Variants in TMPRSS9 observed in about 807,000 individuals in gnomAD.
TMPRSS9 encodes the protein transmembrane protease serine 9.
Under a neutral mutation model 111.4 loss-of-function variants are expected in TMPRSS9, and 113 were observed. That is an observed-to-expected ratio of 1.01 (90% CI 0.87 to 1.19). The LOEUF is 1.19. TMPRSS9 is among the 50% of genes most tolerant of loss of function. The pLI, the probability that TMPRSS9 is intolerant of heterozygous loss-of-function variation, is 0.00. For missense variants in TMPRSS9, 1,803 were observed against 1,513.1 expected, an observed-to-expected ratio of 1.19 and a Z score of -3.18; for synonymous variants, 805 against 659.1, an observed-to-expected ratio of 1.22 and a Z score of -3.39.
At chr19:2,408,862 G>A (rs1254530728) in intron 8 of TMPRSS9, among the ~76,000 whole-genome samples, 1 of 151,428 alleles carries the variant, frequency 6.6e-6, no homozygotes, top group Non-Finnish European at 1.5e-5. Flanking sequence ...GGTGGTGCGT[G>A]CCTATAATTC....
chr19:2,425,871 G>A (rs1225582088), intron 17 of TMPRSS9, 56 bp from the exon 19 acceptor site: 2 of 1,527,940 alleles, frequency 1.3e-6, no homozygotes, highest in East Asian at 2.3e-5. Flanking sequence ...AATGACCCAA[G>A]GGCTGCTGTA....
intron 7 of TMPRSS9, among the ~76,000 whole-genome samples, 182 bp from the exon 9 acceptor site, chr19:2,408,174 C>T (rs1329726126): frequency 6.6e-6 from 1 of 152,076 alleles, no homozygotes; most frequent in Non-Finnish European, 1.5e-5. Flanking sequence ...CCGCTTCAGC[C>T]TCCAAAAGTG....
intron 14 of TMPRSS9, 24 bp downstream of exon 15, chr19:2,422,271 C>T: frequency 6.7e-7 from 1 of 1,493,068 alleles, no homozygotes. Context: ...CGGAGGGATC[C>T]CTGGGAGTGG....
intron 6 of TMPRSS9, among the ~76,000 whole-genome samples, chr19:2,405,083 G>A (rs1970940242): frequency 6.6e-6 from 1 of 152,048 alleles, no homozygotes; most frequent in Admixed American, 6.6e-5. Flanking sequence ...ATACAAACAT[G>A]TACGTGGGGT....
chr19:2,369,889 G>T (rs1044844386), intron 1 of TMPRSS9, among the ~76,000 whole-genome samples: 4 of 152,078 alleles, frequency 2.6e-5, no homozygotes, highest in African/African-American at 9.7e-5. Flanking sequence ...CAGAGTGTTG[G>T]CTGGGCTGTG....
intron 5 of TMPRSS9, 151 bp downstream of exon 6, chr19:2,402,167 A>G: frequency 1.8e-6 from 1 of 542,646 alleles, no homozygotes; most frequent in Non-Finnish European, 3.2e-6. Context: ...CTGAGGCAGG[A>G]GGATCACTTG....
intron 13 of TMPRSS9, 120 bp from the exon 15 acceptor site, chr19:2,421,734 G>A (rs930990454): frequency 2.7e-6 from 3 of 1,129,290 alleles, no homozygotes; most frequent in African/African-American, 3.1e-5. Flanking sequence ...GACCCGCGCT[G>A]TGCCCTCTGC....
chr19:2,397,643 C>G (rs755149379), intron 2 of TMPRSS9, among the ~76,000 whole-genome samples: 15 of 152,012 alleles, frequency 9.9e-5, no homozygotes, highest in African/African-American at 3.6e-4. Flanking sequence ...CAGGCGGGCA[C>G]GGTGGGTGGC....
chr19:2,404,652 C>T lies in TMPRSS9; in HGVS notation c.671-722C>T, dbSNP rs563646404. On this transcript the variant is annotated intron_variant, in intron 6 of 17. Coordinates refer to ENST00000648592, the Ensembl canonical transcript of TMPRSS9. ...GTGACAAAAAATATCAAGACTAGGC[C>T]TGATGCCGTGGCTCAGGCCTGTAAT... Among the ~76,000 whole-genome samples, 3 of 151,116 alleles carry T rather than the reference C, an allele frequency of 2.0e-5. 1 individual carries two copies. In the East Asian group the frequency reaches 5.9e-4, roughly 29 times the overall value.
In TMPRSS9 at chr19:2,393,072, C is replaced by T. The variant is rs1436202537; in HGVS notation, c.142+3145C>T. ...TCTCTGTAAAATGGACCAATCAGCG[C>T]TCTGTAAAATGGGCCAATCAGGAGG... On this transcript the variant is annotated intron_variant, in intron 1 of 17. Coordinates refer to ENST00000648592, the Ensembl canonical transcript of TMPRSS9. Among the ~76,000 whole-genome samples, 5 of 152,268 alleles carry T rather than the reference C, an allele frequency of 3.3e-5. No homozygotes were observed. In the South Asian group the frequency reaches 8.3e-4, roughly 25 times the overall value.
At chr19:2,360,834 A>G (rs1970189454) in intron 1 of TMPRSS9, among the ~76,000 whole-genome samples, 1 of 149,372 alleles carries the variant, frequency 6.7e-6, no homozygotes, top group African/African-American at 2.5e-5. Context: ...GGATGTATCT[A>G]GCGTGTGTAG....
chr19:2,408,454 A>G (rs1971018615), exon 8 of TMPRSS9: 3 of 1,613,904 alleles, frequency 1.9e-6, no homozygotes, highest in Non-Finnish European at 8.5e-7. Flanking sequence ...CAGATCGTCA[A>G]GCACCCCCTG....
chr19:2,394,969 CACAGCCA>C (rs1466294826), intron 1 of TMPRSS9, among the ~76,000 whole-genome samples: 1 of 152,202 alleles, frequency 6.6e-6, no homozygotes, highest in Non-Finnish European at 1.5e-5. Context: ...TTGGACACAA[CACAGCCA>C]ACAGCTAAAA....
exon 16 of TMPRSS9, chr19:2,425,211 G>GACCCCC: frequency 6.7e-7 from 1 of 1,489,452 alleles, no homozygotes. Flanking sequence ...CCCGCGCCGC[G>GACCCCC]ACCCCCGGAC....
At chr19:2,418,341 C>CTT (rs1971323492) in intron 13 of TMPRSS9, among the ~76,000 whole-genome samples, 2 of 56,346 alleles carry the variant, frequency 3.5e-5, no homozygotes, top group African/African-American at 2.2e-4. Context: ...CTTTCCTTCC[C>CTT]TCCCTTTCCC....
upstream of TMPRSS9, among the ~76,000 whole-genome samples, chr19:2,386,876 C>T (rs1970488453): frequency 6.6e-6 from 1 of 152,122 alleles, no homozygotes; most frequent in South Asian, 2.1e-4. Flanking sequence ...CCTGTGGTCC[C>T]AGCTACTTGG....
chr19:2,421,664 G>A (rs538328583), intron 13 of TMPRSS9, among the ~76,000 whole-genome samples, 190 bp from the exon 15 acceptor site: 3 of 152,274 alleles, frequency 2.0e-5, no homozygotes, highest in Admixed American at 6.5e-5. Context: ...GAAACTCAGA[G>A]AGGAGAAGTG....
chr19:2,377,404 G>A (rs1194864554), intron 1 of TMPRSS9, among the ~76,000 whole-genome samples: 1 of 142,314 alleles, frequency 7.0e-6, no homozygotes, highest in Non-Finnish European at 1.5e-5. Context: ...CAAAGTGCTG[G>A]TATTACAGGC....
At chr19:2,421,783 A>G in intron 13 of TMPRSS9, 71 bp from the exon 15 acceptor site, 2 of 1,487,598 alleles carry the variant, frequency 1.3e-6, no homozygotes, top group Non-Finnish European at 1.8e-6. Flanking sequence ...GTAGGAACGC[A>G]GGAGGGTATG....
Sources: allele counts gnomAD v4.1 joint callset (sites outside exome capture counted in the v4.1 genomes callset), GRCh38; gene constraint gnomAD v4.1.1; transcripts MANE v1.5; gene names NCBI Gene and HGNC (gene_info 2026-07-23, HGNC 2026-07-21).